Variants in PCDHA2 observed in about 807,000 individuals in gnomAD.
PCDHA2 encodes protocadherin alpha 2, also known as protocadherin alpha-2.
In PCDHA2, 58 loss-of-function variants were observed where a neutral mutation model predicts 66.0. The ratio of observed to expected loss-of-function variants is 0.88; its 90% CI spans 0.71 to 1.09. The LOEUF (loss-of-function observed/expected upper bound fraction) is 1.09. Ranked by LOEUF, PCDHA2 falls within the 50% of genes least tolerant of loss-of-function variation. The pLI, the probability that PCDHA2 is intolerant of heterozygous loss-of-function variation, is 0.00. For missense variants in PCDHA2, 1,267 were observed against 1,242.3 expected, an observed-to-expected ratio of 1.02 and a Z score of -0.30; for synonymous variants, 634 against 554.0, an observed-to-expected ratio of 1.14 and a Z score of -2.03.
At chr5:140,877,571 T>C in intron 1 of PCDHA2, 1 of 1,613,760 alleles carries the variant, frequency 6.2e-7, no homozygotes, top group African/African-American at 1.3e-5. Context: ...AACGTGTACC[T>C]CATCATCGCC....
Position 140,795,668 on chromosome 5 carries a change from T to C in PCDHA2, c.704T>C (p.Val235Ala), listed in dbSNP as rs781812595. The change falls in exon 1 of 4, where the codon GTA becomes GCA. Residue 235 changes from valine to alanine, a missense_variant. Physicochemically the swap from Val to Ala is moderately conservative, Grantham distance 64. Coordinates refer to ENST00000526136, the MANE Select transcript of PCDHA2 (RefSeq NM_018905.3). ...TVQILIKVLDVNDNEPTFAQS... is the reference protein window; with the variant it reads ...TVQILIKVLDANDNEPTFAQS... ...CAAATACTTATTAAGGTATTAGATGTAAATGACAATGAACCAACTTTTGCC... is the reference window on the plus strand; with the variant it reads ...CAAATACTTATTAAGGTATTAGATGCAAATGACAATGAACCAACTTTTGCC... 2.5e-6 allele frequency: 4 copies of C among 1,613,968 alleles called. No individual in the cohort carries two copies. In the African/African-American group the frequency reaches 5.3e-5, roughly 22 times the overall value.
At chr5:140,958,397 A>T (rs1306610051) in intron 1 of PCDHA2, among the ~76,000 whole-genome samples, 3 of 152,172 alleles carry the variant, frequency 2.0e-5, no homozygotes, top group African/African-American at 7.2e-5. Flanking sequence ...GTCATCAAAC[A>T]TTATCACTGA....
At chr5:140,893,219 G>T (rs1273209081) in intron 1 of PCDHA2, among the ~76,000 whole-genome samples, 1 of 152,194 alleles carries the variant, frequency 6.6e-6, no homozygotes. Context: ...GGAGGTGCAG[G>T]TATCACTTTG....
intron 1 of PCDHA2, chr5:140,876,529 A>G (rs375358450): frequency 1.2e-5 from 19 of 1,614,034 alleles, no homozygotes; most frequent in Non-Finnish European, 1.5e-5. Context: ...AGTAATGGTT[A>G]CTTCACTGTC....
chr5:140,868,890 G>A (rs1013785921), intron 1 of PCDHA2: 2 of 748,714 alleles, frequency 2.7e-6, no homozygotes, highest in African/African-American at 1.8e-5. Flanking sequence ...AGTTTTAGGC[G>A]CAAGGTGTCG....
chr5:140,874,129 GTTATC>G (rs1339746498), intron 1 of PCDHA2, among the ~76,000 whole-genome samples: 2 of 151,518 alleles, frequency 1.3e-5, no homozygotes, highest in Non-Finnish European at 2.9e-5. Flanking sequence ...GTTTATTTAA[GTTATC>G]TTATACTTGT....
chr5:140,974,146 A>G (rs1208366709), intron 1 of PCDHA2, among the ~76,000 whole-genome samples: 1 of 152,260 alleles, frequency 6.6e-6, no homozygotes, highest in Non-Finnish European at 1.5e-5. Context: ...TGAAAACTAT[A>G]CAAGGGTTTT....
chr5:140,823,846 G>T (rs1767898673), intron 1 of PCDHA2: 8 of 1,613,762 alleles, frequency 5.0e-6, no homozygotes, highest in African/African-American at 1.3e-5. Flanking sequence ...TCCCGAGGCT[G>T]CCCTGGTGGA....
At chr5:140,880,083 A>G (rs1453702460) in intron 1 of PCDHA2, among the ~76,000 whole-genome samples, 2 of 152,242 alleles carry the variant, frequency 1.3e-5, no homozygotes, top group African/African-American at 4.8e-5. Context: ...TCAACCTATT[A>G]TAGTAGGCTT....
At chr5:140,857,887 G>A (rs2044983684) in intron 1 of PCDHA2, 6 of 1,597,818 alleles carry the variant, frequency 3.8e-6, no homozygotes, top group Middle Eastern at 1.7e-4. Flanking sequence ...TGCAGTCGGC[G>A]GCGGTTGGTG....
At chr5:140,872,804 A>G (rs918819226) in intron 1 of PCDHA2, among the ~76,000 whole-genome samples, 1 of 152,170 alleles carries the variant, frequency 6.6e-6, no homozygotes, top group Admixed American at 6.5e-5. Flanking sequence ...ATTCTTCCAT[A>G]AGTTTTTCAG....
At chr5:140,882,143 C>T in intron 1 of PCDHA2, 1 of 1,494,048 alleles carries the variant, frequency 6.7e-7, no homozygotes, top group Non-Finnish European at 8.9e-7. Context: ...GAAAATATAG[C>T]AGAAAGCGGA....
chr5:140,870,420 G>A (rs371557347), intron 1 of PCDHA2: 9 of 1,614,234 alleles, frequency 5.6e-6, no homozygotes, highest in Admixed American at 1.7e-5. Context: ...CCACGGCCAG[G>A]GTATCCGTGG....
intron 1 of PCDHA2, chr5:140,967,204 G>T: frequency 3.7e-6 from 6 of 1,613,634 alleles, no homozygotes; most frequent in Non-Finnish European, 5.1e-6. Context: ...ACAACTCACC[G>T]CGTTTCCCGC....
intron 1 of PCDHA2, chr5:140,968,814 G>A: frequency 1.5e-5 from 24 of 1,614,232 alleles, no homozygotes; most frequent in Non-Finnish European, 1.9e-5. Context: ...GTGGTGGATA[G>A]GGTTTCCAAA....
At chr5:140,927,072 C>A in intron 1 of PCDHA2, 2 of 1,610,790 alleles carry the variant, frequency 1.2e-6, no homozygotes, top group Non-Finnish European at 1.7e-6. Flanking sequence ...TCCTTTCCAG[C>A]CACCGCGAGC....
At chr5:140,892,283 C>T (rs1554185144) in intron 1 of PCDHA2, among the ~76,000 whole-genome samples, 1 of 152,172 alleles carries the variant, frequency 6.6e-6, no homozygotes, top group African/African-American at 2.4e-5. Context: ...GTATTAAACA[C>T]TTCTTCCTGG....
At chr5:140,976,585 C>A (rs1415996919) in intron 1 of PCDHA2, among the ~76,000 whole-genome samples, 1 of 152,064 alleles carries the variant, frequency 6.6e-6, no homozygotes, top group African/African-American at 2.4e-5. Flanking sequence ...AAAACACAGA[C>A]TTTTGTGTTA....
chr5:140,938,979 C>T (rs1485638673), intron 1 of PCDHA2, among the ~76,000 whole-genome samples: 2 of 152,158 alleles, frequency 1.3e-5, no homozygotes, highest in Non-Finnish European at 2.9e-5. Flanking sequence ...TCAAGGCTAT[C>T]CTGGCTTTAT....
Sources: allele counts gnomAD v4.1 joint callset (sites outside exome capture counted in the v4.1 genomes callset), GRCh38; gene constraint gnomAD v4.1.1; transcripts MANE v1.5; gene names NCBI Gene and HGNC (gene_info 2026-07-23, HGNC 2026-07-21).